The following ZNF700 variants were observed in gnomAD, a reference collection of about 807,000 sequenced individuals.
ZNF700 encodes the protein zinc finger protein 700.
ZNF700 carries 38 observed loss-of-function variants against 65.3 expected under a neutral mutation model. That is an observed-to-expected ratio of 0.58 (90% confidence interval 0.45 to 0.76). ZNF700 has a LOEUF of 0.76. Among genes scored for constraint, ZNF700 ranks in the 30% least tolerant of loss-of-function variants. The probability of loss-of-function intolerance (pLI) is 0.00; values close to 1 mark genes in which losing one functional copy is unlikely to be tolerated. For synonymous variants in ZNF700, 285 were observed against 290.4 expected (o/e 0.98, Z 0.19); for missense variants, 857 against 888.4 (o/e 0.96, Z 0.45).
chr19:11,940,859 T>C (rs1972870947), intron 1 of ZNF700, among the ~76,000 whole-genome samples: 1 of 152,068 alleles, frequency 6.6e-6, no homozygotes, highest in Admixed American at 6.5e-5. Context: ...ATACAGAGTG[T>C]TGACATAAAG....
rs1267087010 is a variant in ZNF700 at position 11,950,458 on chromosome 19, G to A, written c.*205G>A. ...TCAATGTCATGAAAGGACTCACACG[G>A]GAGAGAAACCCTATGAGTGTATTCT... On this transcript the variant is annotated 3_prime_UTR_variant, in exon 4 of 4. Coordinates refer to ENST00000254321, the MANE Select transcript of ZNF700 (RefSeq NM_144566.3). 2.8e-6 allele frequency: 2 copies of A among 703,250 alleles called. No homozygotes were observed. Among genetic ancestry groups the A allele is most frequent in the African/African-American group, 1.8e-5 (1 of 56,198 alleles). 43.6% of individuals were successfully genotyped at this position (703,250 alleles called of 1,614,324 possible). A position where few individuals can be genotyped will look rare whatever the true frequency, so the allele number is the denominator to read the frequency against.
At chr19:11,934,643 C>G (rs1470102494) in intron 1 of ZNF700, among the ~76,000 whole-genome samples, 2 of 147,530 alleles carry the variant, frequency 1.4e-5, no homozygotes, top group Non-Finnish European at 2.9e-5. Context: ...TCTCCTGACT[C>G]AGCCTCCAGA....
Position 11,949,744 on chromosome 19 carries a change from A to G in ZNF700, c.1720A>G (p.Arg574Gly). Residue 574 changes from arginine (R) to glycine (G), a missense_variant, in exon 4 of 4, where the codon AGA becomes GGA. Arg to Gly is a moderately radical substitution (Grantham distance 125, BLOSUM62 -2). Transcript: ENST00000254321. ...GTGTAAGCAATGTGGGAAAGCCTTC[A>G]GATCTGCCTCACACCTTCGAATGCA... ...YECKQCGKAF[R>G]SASHLRMHER... is the part of the protein sequence containing the mutation. 1 of 1,613,880 alleles carries G rather than the reference A, an allele frequency of 6.2e-7. No individual in the cohort carries two copies. Among genetic ancestry groups the G allele is most frequent in the Non-Finnish European group, 8.5e-7 (1 of 1,179,946 alleles).
chr19:11,941,130 CCTT>C (rs1316499445), intron 1 of ZNF700, among the ~76,000 whole-genome samples: 1 of 152,174 alleles, frequency 6.6e-6, no homozygotes, highest in Non-Finnish European at 1.5e-5. Context: ...TGTTTACAAA[CCTT>C]AAGCTAGATA....
At chr19:11,927,644 G>A (rs1255235681) in intron 1 of ZNF700, among the ~76,000 whole-genome samples, 1 of 152,082 alleles carries the variant, frequency 6.6e-6, no homozygotes, top group Non-Finnish European at 1.5e-5. Flanking sequence ...TTACTCTGTT[G>A]ATTTAAAGAA....
chr19:11,947,359 A>T, intron 2 of ZNF700, 52 bp downstream of exon 2: 1 of 1,611,522 alleles, frequency 6.2e-7, no homozygotes, highest in East Asian at 2.2e-5. Flanking sequence ...CAGTGTTTCT[A>T]GCTCATGAAT....
At chr19:11,947,688 T>A in intron 3 of ZNF700, 114 bp downstream of exon 3, 1 of 1,065,414 alleles carries the variant, frequency 9.4e-7, no homozygotes, top group Non-Finnish European at 1.4e-6. Flanking sequence ...TCATTTCTTC[T>A]TAGAATATTT....
chr19:11,942,433 C>T (rs1354935651), intron 1 of ZNF700, among the ~76,000 whole-genome samples: 1 of 152,060 alleles, frequency 6.6e-6, no homozygotes, highest in Non-Finnish European at 1.5e-5. Flanking sequence ...AGGGACAGCC[C>T]AGGCAGCTCG....
chr19:11,934,919 G>A (rs560283051), intron 1 of ZNF700, among the ~76,000 whole-genome samples: 2 of 147,538 alleles, frequency 1.4e-5, no homozygotes, highest in East Asian at 4.0e-4. Flanking sequence ...GGTGGCTCAC[G>A]CCTGTAATCC....
rs1973039088 is a variant in ZNF700, at chr19:11,950,017, A to G, written c.1993A>G (p.Ile665Val). 6.2e-7 allele frequency: 1 copy of G among 1,614,042 alleles called. No individual in the cohort carries two copies. Among genetic ancestry groups the G allele is most frequent in the Non-Finnish European group, 8.5e-7 (1 of 1,179,980 alleles). The stretch of plus-strand genomic sequence containing the variant: ...ATTCTGTAAATTCTCTTCTTTTCAA[A>G]TACATGAAAGGAAGCACAGAGGAGA... ...KAFCKFSSFQ[I>V]HERKHRGEKP... Residue 665 changes from isoleucine to valine, a missense_variant, in exon 4 of 4, where the codon ATA becomes GTA. Around this residue, in one of 3 missense-constraint regions of ZNF700, gnomAD observed 251 missense variants for 250.3 expected, o/e 1.00. Coordinates refer to ENST00000254321, the MANE Select transcript of ZNF700 (RefSeq NM_144566.3).
rs1373848109 is a variant in ZNF700, at chr19:11,948,597, GAA to G, written c.575_576del (p.Lys192ThrfsTer5). The G allele has an allele frequency of 1.2e-6, 2 of 1,608,966 alleles. No homozygotes were observed. The highest frequency in any genetic ancestry group is 1.7e-6 in the Non-Finnish European group (2 of 1,178,956). On this transcript the variant is annotated frameshift_variant, in exon 4 of 4. Transcript: ENST00000254321. LOFTEE classifies it high-confidence loss of function. ...RTQERDHTGE[K>X]PYACKVCGKT... Reference sequence around the variant, plus strand: ...CACAAGAAAGGGATCACACTGGAGAGAAACCCTATGCTTGTAAAGTCTGTGGA... The same window carrying G: ...CACAAGAAAGGGATCACACTGGAGAGACCCTATGCTTGTAAAGTCTGTGGA...
intron 1 of ZNF700, among the ~76,000 whole-genome samples, chr19:11,941,524 C>T (rs1357222482): frequency 6.6e-6 from 1 of 152,224 alleles, no homozygotes. Context: ...ACACCCTCTG[C>T]AGCCGCTGGC....
In ZNF700 at chr19:11,950,624, G is replaced by T; in HGVS notation, c.*371G>T. On this transcript the variant is annotated 3_prime_UTR_variant, in exon 4 of 4. Transcript: ENST00000254321. ...CTTGGGAGAAACTCTATGAATGTAA[G>T]CAGTATGGGAAAGCCTTCAGATCTG... The T allele has an allele frequency of 2.4e-6, 1 of 416,934 alleles. No homozygotes were observed. The highest frequency in any genetic ancestry group is 4.6e-6 in the Non-Finnish European group (1 of 215,544). The allele number at this position is 416,934 out of a possible 1,614,324, so 25.8% of individuals were successfully genotyped here. A position where few individuals can be genotyped will look rare whatever the true frequency, so the allele number is the denominator to read the frequency against.
chr19:11,947,841 A>G (rs1169277983), intron 3 of ZNF700, among the ~76,000 whole-genome samples: 2 of 152,182 alleles, frequency 1.3e-5, no homozygotes, highest in Non-Finnish European at 2.9e-5. Flanking sequence ...CCACATATCA[A>G]CAACAGCAAA....
rs988753490 is a variant in ZNF700 at position 11,949,833 on chromosome 19, T to C, written c.1809T>C (p.Cys603=). 1.2e-6 allele frequency: 2 copies of C among 1,612,610 alleles called. No homozygotes were observed. Among genetic ancestry groups the C allele is most frequent in the East Asian group, 2.2e-5 (1 of 44,842 alleles). The part of the protein sequence containing the change: ...ECKQCGKAFS[C]ASNLRKHGRT... Reference sequence around the variant, plus strand: ...AGCAATGTGGGAAAGCCTTCAGTTGTGCCTCAAACCTTCGAAAGCATGGTA... The same window carrying C: ...AGCAATGTGGGAAAGCCTTCAGTTGCGCCTCAAACCTTCGAAAGCATGGTA... Residue 603 remains cysteine (C), a synonymous_variant, in exon 4 of 4, where the codon TGT becomes TGC. Transcript: ENST00000254321.
intron 1 of ZNF700, among the ~76,000 whole-genome samples, chr19:11,942,760 T>C (rs767649306): frequency 6.6e-6 from 1 of 152,212 alleles, no homozygotes; most frequent in African/African-American, 2.4e-5. Context: ...TACAAGTGGT[T>C]AGGTCAGGAG....
rs879090203 is a variant in ZNF700 at position 11,949,803 on chromosome 19, G to T, written c.1779G>T (p.Glu593Asp). 23 of 1,603,358 alleles carry T rather than the reference G, an allele frequency of 1.4e-5. No homozygotes were observed. In the Admixed American group the frequency reaches 3.9e-4, roughly 27 times the overall value. The change falls in exon 4 of 4, where the codon GAG becomes GAT. Residue 593 changes from glutamate (E) to aspartate (D), a missense_variant. By Grantham distance (45) the Glu-to-Asp change is conservative. Around this residue, in one of 3 missense-constraint regions of ZNF700, gnomAD observed 251 missense variants for 250.3 expected, o/e 1.00. Coordinates refer to ENST00000254321, the MANE Select transcript of ZNF700 (RefSeq NM_144566.3). Reference protein sequence around the residue: ...ERTHTGEKPYECKQCGKAFSC... With the variant: ...ERTHTGEKPYDCKQCGKAFSC... Reference sequence around the variant, plus strand: ...CTCACACTGGAGAGAAACCCTATGAGTGTAAGCAATGTGGGAAAGCCTTCA... The same window carrying T: ...CTCACACTGGAGAGAAACCCTATGATTGTAAGCAATGTGGGAAAGCCTTCA...
At chr19:11,941,593 C>A (rs531169349) in intron 1 of ZNF700, among the ~76,000 whole-genome samples, 1 of 152,196 alleles carries the variant, frequency 6.6e-6, no homozygotes, top group Non-Finnish European at 1.5e-5. Flanking sequence ...GCTCCGAGTG[C>A]GGGGCCGCCA....
chr19:11,927,109 T>C (rs1972640780), intron 1 of ZNF700, among the ~76,000 whole-genome samples: 1 of 152,138 alleles, frequency 6.6e-6, no homozygotes. Flanking sequence ...TCCAAGCACT[T>C]TGGGAGGCCA....
Sources: gnomAD v4.1 joint callset for allele counts (sites outside exome capture counted in the v4.1 genomes callset) on GRCh38, gnomAD v4.1.1 for gene constraint, gnomAD v4.1.1 regional missense constraint, MANE v1.5 for transcripts, NCBI Gene and HGNC (gene_info 2026-07-23, HGNC 2026-07-21) for gene names.